Variants in CNTN5 observed in about 807,000 individuals in gnomAD.
CNTN5 encodes the protein contactin-5.
A neutral mutation model predicts 129.1 loss-of-function variants in CNTN5; 77 were observed. The ratio of observed to expected loss-of-function variants is 0.60; its 90% confidence interval spans 0.50 to 0.72. The LOEUF (loss-of-function observed/expected upper bound fraction) is 0.72. CNTN5 is among the 30% of genes least tolerant of loss of function. The pLI, the probability that CNTN5 is intolerant of heterozygous loss-of-function variation, is 0.00. For synonymous variants in CNTN5, 509 were observed against 465.6 expected (o/e 1.09, Z -1.20); for missense variants, 1,478 against 1,328.8 (o/e 1.11, Z -1.75).
rs573948109 is a variant in CNTN5 at position 99,556,776 on chromosome 11, C to G, written c.55+507C>G. ...TATAACACAGTATCTAAAGGCATCT[C>G]TAACACAATGTATTTTTTCAGATTG... On this transcript the variant is annotated intron_variant, in intron 3 of 24. Coordinates refer to ENST00000524871, the MANE Select transcript of CNTN5 (RefSeq NM_014361.4). Among the ~76,000 whole-genome samples, 148 of 150,706 alleles carry G rather than the reference C, an allele frequency of 9.8e-4. 2 individuals carry two copies. The highest frequency in any genetic ancestry group is 3.3e-3 in the African/African-American group (138 of 41,372).
chr11:100,125,257 A>G (rs1421562), intron 13 of CNTN5, among the ~76,000 whole-genome samples: 121,924 of 151,958 alleles, frequency 0.8, 49,832 homozygotes, highest in East Asian at 1. Flanking sequence ...GAGGTTTGTG[A>G]TATGATTGAT....
At chr11:99,063,266 G>C (rs1397623429) in intron 1 of CNTN5, among the ~76,000 whole-genome samples, 1 of 152,016 alleles carries the variant, frequency 6.6e-6, no homozygotes, top group East Asian at 1.9e-4. Flanking sequence ...TCGAGGACAT[G>C]CTTCTCTTTC....
chr11:99,293,493 G>A (rs548526655), intron 1 of CNTN5, among the ~76,000 whole-genome samples: 141 of 152,118 alleles, frequency 9.3e-4, no homozygotes, highest in African/African-American at 3.3e-3. Flanking sequence ...GAGTATACGT[G>A]GTATTAGTTC....
chr11:99,093,410 A>G (rs1040523944), intron 1 of CNTN5, among the ~76,000 whole-genome samples: 5 of 151,680 alleles, frequency 3.3e-5, no homozygotes, highest in African/African-American at 1.2e-4. Context: ...GGACAACACA[A>G]CAGAAGATTG....
intron 13 of CNTN5, among the ~76,000 whole-genome samples, chr11:100,173,857 G>A (rs1203337809): frequency 6.6e-6 from 1 of 152,078 alleles, no homozygotes; most frequent in African/African-American, 2.4e-5. Context: ...CTGGTCCCTT[G>A]CCTGCTCATT....
intron 1 of CNTN5, among the ~76,000 whole-genome samples, chr11:99,027,410 G>C (rs1863156280): frequency 6.6e-6 from 1 of 151,464 alleles, no homozygotes; most frequent in Admixed American, 6.6e-5. Context: ...CGATTTTAGA[G>C]CATTTGATAA....
intron 1 of CNTN5, among the ~76,000 whole-genome samples, chr11:99,138,897 T>G (rs187007720): frequency 1.3e-5 from 2 of 152,342 alleles, no homozygotes; most frequent in African/African-American, 2.4e-5. Context: ...TTACTTTTTC[T>G]TTCTCTGTTC....
chr11:99,488,328 A>G (rs1945901559), intron 2 of CNTN5, among the ~76,000 whole-genome samples: 1 of 150,748 alleles, frequency 6.6e-6, no homozygotes, highest in Non-Finnish European at 1.5e-5. Flanking sequence ...ATGCACCACC[A>G]TGGCCGGCTA....
chr11:100,018,232 G>A lies in CNTN5; in HGVS notation c.980+16096G>A, dbSNP rs141645543. Reference sequence around the variant, plus strand: ...TACGTATTTTTACCATGAAACCATCGCACAATCCACATAATAAGCATATCC... The same window carrying A: ...TACGTATTTTTACCATGAAACCATCACACAATCCACATAATAAGCATATCC... On this transcript the variant is annotated intron_variant, in intron 9 of 24. Coordinates refer to ENST00000524871, the MANE Select transcript of CNTN5 (RefSeq NM_014361.4). Among the ~76,000 whole-genome samples the A allele has an allele frequency of 1.6e-4, 24 of 151,802 alleles. No homozygotes were observed. The East Asian group carries it at 3.3e-3, about 21-fold the overall frequency.
chr11:99,557,730 A>G (rs970095666), intron 3 of CNTN5, among the ~76,000 whole-genome samples: 1 of 150,210 alleles, frequency 6.7e-6, no homozygotes, highest in African/African-American at 2.5e-5. Flanking sequence ...ATAACTGAAA[A>G]GGCAATCCTC....
intron 18 of CNTN5, among the ~76,000 whole-genome samples, chr11:100,277,892 G>A (rs1323628418): frequency 1.3e-5 from 2 of 151,852 alleles, no homozygotes; most frequent in African/African-American, 2.4e-5. Context: ...TGCCTACTCC[G>A]TTGTCTTGCA....
In CNTN5 at chr11:100,255,629, A is replaced by G. The variant is rs1238794122; in HGVS notation, c.2006-131A>G. On this transcript the variant is annotated intron_variant, in intron 16 of 24. Transcript: ENST00000524871. ...TTGCATCCATGACTTTTTGTTGTCA[A>G]TTTTAATTACTAAATTCATATTTCA... 5.2e-6 allele frequency: 4 copies of G among 772,200 alleles called. No individual in the cohort carries two copies. In the East Asian group the frequency reaches 8.4e-5, roughly 16 times the overall value. 47.8% of individuals were successfully genotyped at this position (772,200 alleles called of 1,614,324 possible).
chr11:99,845,929 C>G (rs1357642860), intron 6 of CNTN5, among the ~76,000 whole-genome samples: 1 of 151,936 alleles, frequency 6.6e-6, no homozygotes, highest in Non-Finnish European at 1.5e-5. Flanking sequence ...TTTAAGATAT[C>G]TATAATTCTA....
At chr11:99,116,328 T>C (rs140090889) in intron 1 of CNTN5, among the ~76,000 whole-genome samples, 131 of 152,318 alleles carry the variant, frequency 8.6e-4, no homozygotes, top group African/African-American at 3.1e-3. Context: ...GAATAGTAGA[T>C]TAACAGTGGG....
At chr11:99,606,469 C>A (rs1950419744) in intron 3 of CNTN5, among the ~76,000 whole-genome samples, 1 of 145,018 alleles carries the variant, frequency 6.9e-6, no homozygotes, top group Non-Finnish European at 1.5e-5. Context: ...AATGGAAGAA[C>A]ATTCCATGCT....
At chr11:99,813,726 G>A (rs1480187831) in intron 3 of CNTN5, among the ~76,000 whole-genome samples, 1 of 152,052 alleles carries the variant, frequency 6.6e-6, no homozygotes, top group Non-Finnish European at 1.5e-5. Flanking sequence ...GTGAAATAGG[G>A]ATAAAGACAT....
At chr11:99,528,142 A>G (rs1947558928) in intron 2 of CNTN5, among the ~76,000 whole-genome samples, 1 of 152,224 alleles carries the variant, frequency 6.6e-6, no homozygotes, top group African/African-American at 2.4e-5. Flanking sequence ...TTGAAAGATC[A>G]AAATCCTGAA....
intron 1 of CNTN5, among the ~76,000 whole-genome samples, chr11:99,087,370 G>T (rs1200898455): frequency 2.0e-5 from 3 of 152,016 alleles, no homozygotes; most frequent in Admixed American, 6.6e-5. Flanking sequence ...TTTTTATATG[G>T]TTCTTCCTTG....
chr11:99,047,518 A>G (rs528922161), intron 1 of CNTN5, among the ~76,000 whole-genome samples: 1 of 152,282 alleles, frequency 6.6e-6, no homozygotes, highest in Non-Finnish European at 1.5e-5. Context: ...ACAGTCTTCT[A>G]AGAGCTCCAA....
Sources: allele counts gnomAD v4.1 joint callset (sites outside exome capture counted in the v4.1 genomes callset), GRCh38; gene constraint gnomAD v4.1.1; transcripts MANE v1.5; gene names NCBI Gene and HGNC (gene_info 2026-07-23, HGNC 2026-07-21).